The following TOR1B variants were observed in gnomAD, a reference collection of about 807,000 sequenced individuals.
TOR1B encodes torsin-1B.
In TOR1B, 14 loss-of-function variants were observed where a neutral mutation model predicts 29.2. The observed-to-expected ratio is 0.48, with a 90% confidence interval of 0.32 to 0.75. TOR1B has a LOEUF of 0.75. Among genes scored for constraint, TOR1B ranks in the 30% least tolerant of loss-of-function variants. TOR1B has a pLI of 0.04. For synonymous variants in TOR1B, 166 were observed against 179.8 expected, an observed-to-expected ratio of 0.92 and a Z score of 0.62; for missense variants, 400 against 433.9, an observed-to-expected ratio of 0.92 and a Z score of 0.69.
chr9:129,808,543 C>CTTTTTTTT (rs763409733), intron 3 of TOR1B, among the ~76,000 whole-genome samples: 1 of 77,804 alleles, frequency 1.3e-5, no homozygotes, highest in Non-Finnish European at 2.5e-5. Context: ...ACACAGAAGT[C>CTTTTTTTT]TTTTTTTTTT....
rs2030750937 is a variant in TOR1B at position 129,809,990 on chromosome 9, C to G, written c.*407C>G. ...CTGGAGATGAACTTTTAAAAATCCC[C>G]TTCACACTTAATGTACTGACCGAGA... On this transcript the variant is annotated 3_prime_UTR_variant, in exon 5 of 5. Coordinates refer to ENST00000259339, the MANE Select transcript of TOR1B (RefSeq NM_014506.3). 8.5e-7 allele frequency: 1 copy of G among 1,181,236 alleles called. No homozygotes were observed. The highest frequency in any genetic ancestry group is 3.7e-5 in the Admixed American group (1 of 26,928). The allele number at this position is 1,181,236 out of a possible 1,614,324, so 73.2% of individuals were successfully genotyped here. A position where few individuals can be genotyped will look rare whatever the true frequency, so the allele number is the denominator to read the frequency against.
intron 1 of TOR1B, 141 bp from the exon 2 acceptor site, chr9:129,803,932 C>A: frequency 2.8e-6 from 3 of 1,054,678 alleles, no homozygotes; most frequent in South Asian, 3.2e-5. Context: ...CGTTTGACTG[C>A]CTCGGCCCTA....
intron 2 of TOR1B, 52 bp from the exon 3 acceptor site, chr9:129,807,136 T>C: frequency 6.3e-7 from 1 of 1,590,510 alleles, no homozygotes; most frequent in Non-Finnish European, 8.6e-7. Context: ...GCGCGCCTCT[T>C]GGTGCACCCT....
At chr9:129,807,665 G>C (rs2030576146) in intron 3 of TOR1B, among the ~76,000 whole-genome samples, 1 of 151,992 alleles carries the variant, frequency 6.6e-6, no homozygotes, top group African/African-American at 2.4e-5. Context: ...GGCTAACATG[G>C]TGAAACCCTG....
In TOR1B at chr9:129,807,207, T is replaced by G; in HGVS notation, c.485T>G (p.Ile162Ser). 1 of 1,614,068 alleles carries G rather than the reference T, an allele frequency of 6.2e-7. No individual in the cohort carries two copies. Among genetic ancestry groups the G allele is most frequent in the Non-Finnish European group, 8.5e-7 (1 of 1,180,016 alleles). The stretch of plus-strand genomic sequence containing the variant: ...GTCCAGGACCAGTTACAGAAGTGGA[T>G]CCGCGGTAATGTGAGTGCATGTGCG... The part of the protein sequence containing the change: ...KLYQDQLQKW[I>S]RGNVSACANS... The change falls in exon 3 of 5, where the codon ATC becomes AGC. Residue 162 changes from isoleucine (I) to serine (S), a missense_variant. Coordinates refer to ENST00000259339, the MANE Select transcript of TOR1B (RefSeq NM_014506.3).
In TOR1B at chr9:129,803,193, T is replaced by C; in HGVS notation, c.-20T>C. On this transcript the variant is annotated 5_prime_UTR_variant, in exon 1 of 5. Transcript: ENST00000259339. ...GCGGGGCGCCTGGCTCAGTGGCTTC[T>C]GCGGGCTTCGAGGAGCGGGATGTTG... The C allele has an allele frequency of 6.9e-7, 1 of 1,444,228 alleles. No individual in the cohort carries two copies. Among genetic ancestry groups the C allele is most frequent in the Non-Finnish European group, 9.1e-7 (1 of 1,103,878 alleles). The allele number at this position is 1,444,228 out of a possible 1,614,324, so 89.5% of individuals were successfully genotyped here.
Position 129,809,730 on chromosome 9 carries a change from T to G in TOR1B, c.*147T>G. 3 of 1,442,346 alleles carry G rather than the reference T, an allele frequency of 2.1e-6. No individual in the cohort carries two copies. Among genetic ancestry groups the G allele is most frequent in the Non-Finnish European group, 1.8e-6 (2 of 1,104,722 alleles). 89.3% of individuals were successfully genotyped at this position (1,442,346 alleles called of 1,614,324 possible). ...ATAGAATCTTTTTTTTGAGAAGAGG[T>G]CTCACTCCGTCATCCAAGCTGGAGT... is the stretch of plus-strand genomic sequence containing the variant. On this transcript the variant is annotated 3_prime_UTR_variant, in exon 5 of 5. Coordinates refer to ENST00000259339, the MANE Select transcript of TOR1B (RefSeq NM_014506.3).
At chr9:129,803,532 G>T in intron 1 of TOR1B, 121 bp downstream of exon 1, 2 of 1,135,208 alleles carry the variant, frequency 1.8e-6, no homozygotes, top group Non-Finnish European at 2.2e-6. Flanking sequence ...GACGGCGGTG[G>T]TCCCAGCTGG....
At chr9:129,804,445 C>T in intron 2 of TOR1B, 107 bp downstream of exon 2, 2 of 1,416,018 alleles carry the variant, frequency 1.4e-6, no homozygotes, top group Non-Finnish European at 1.9e-6. Context: ...TGCTGTAGCC[C>T]CCGGCTCCAC....
intron 2 of TOR1B, among the ~76,000 whole-genome samples, chr9:129,805,501 C>T (rs1353211177): frequency 6.6e-6 from 1 of 152,132 alleles, no homozygotes; most frequent in Non-Finnish European, 1.5e-5. Context: ...TGTAGCAGAA[C>T]AGGACCTTTG....
chr9:129,806,370 G>T (rs2030484876), intron 2 of TOR1B, among the ~76,000 whole-genome samples: 1 of 152,200 alleles, frequency 6.6e-6, no homozygotes, highest in South Asian at 2.1e-4. Flanking sequence ...CTTTGGGGTT[G>T]AGGGCTTGTT....
In TOR1B at chr9:129,804,359, C is replaced by A; in HGVS notation, c.465+21C>A. On this transcript the variant is annotated intron_variant, in intron 2 of 4. Transcript: ENST00000259339. The stretch of plus-strand genomic sequence containing the variant: ...ACCAGGCAAGAGAACCCGCTATTAT[C>A]TCGTCTGCAGGCCAGTCGGACTGGT... 9 of 1,605,646 alleles carry A rather than the reference C, an allele frequency of 5.6e-6. No homozygotes were observed. In the South Asian group the frequency reaches 9.9e-5, roughly 18 times the overall value.
chr9:129,803,246 G>T lies in TOR1B; in HGVS notation c.34G>T (p.Ala12Ser), dbSNP rs1465089222. The stretch of plus-strand genomic sequence containing the variant: ...GGCTGGGTGGCTCCGGGGCGCGGCG[G>T]CGCTGGCGCTGCTGCTGGCGGCCCG... ...LRAGWLRGAA[A>S]LALLLAARVV... is the part of the protein sequence containing the mutation. The change falls in exon 1 of 5, where the codon GCG (alanine) becomes TCG (serine). Residue 12 changes from alanine to serine, a missense_variant. Transcript: ENST00000259339. 1.3e-6 allele frequency: 2 copies of T among 1,547,884 alleles called. No individual in the cohort carries two copies. The highest frequency in any genetic ancestry group is 1.7e-6 in the Non-Finnish European group (2 of 1,154,074).
chr9:129,803,984 C>G, intron 1 of TOR1B, 89 bp from the exon 2 acceptor site: 1 of 1,548,236 alleles, frequency 6.5e-7, no homozygotes, highest in Non-Finnish European at 8.8e-7. Context: ...ATAATCTGTG[C>G]TTCTTGCTTT....
intron 2 of TOR1B, among the ~76,000 whole-genome samples, chr9:129,805,134 T>A: frequency 7.7e-6 from 1 of 129,774 alleles, no homozygotes. Flanking sequence ...TGAGACTCTG[T>A]CTCAGAAAAA....
In TOR1B at chr9:129,809,856, T is replaced by C; in HGVS notation, c.*273T>C. 7.5e-7 allele frequency: 1 copy of C among 1,325,718 alleles called. No homozygotes were observed. The highest frequency in any genetic ancestry group is 9.7e-7 in the Non-Finnish European group (1 of 1,031,548). The allele number at this position is 1,325,718 out of a possible 1,614,324, so 82.1% of individuals were successfully genotyped here. A position where few individuals can be genotyped will look rare whatever the true frequency, so the allele number is the denominator to read the frequency against. On this transcript the variant is annotated 3_prime_UTR_variant, in exon 5 of 5. Transcript: ENST00000259339. ...AGCTGGGATTACAGGCATGAGCCAC[T>C]GTGCCCAGCTGGGATATAGAATCTA...
intron 2 of TOR1B, among the ~76,000 whole-genome samples, chr9:129,805,826 C>A (rs1282434814): frequency 3.9e-5 from 6 of 152,188 alleles, no homozygotes; most frequent in Non-Finnish European, 1.5e-5. Flanking sequence ...GAGACTGTTT[C>A]TCCTTTTGAG....
At position 129,804,494 on chromosome 9, in the gene TOR1B, C is replaced by G. The variant is rs553696069; in HGVS notation, c.465+156C>G. 80 of 905,406 alleles carry G rather than the reference C, an allele frequency of 8.8e-5. No homozygotes were observed. In the African/African-American group the frequency reaches 1.3e-3, roughly 15 times the overall value. 56.1% of individuals were successfully genotyped at this position (905,406 alleles called of 1,614,324 possible). On this transcript the variant is annotated intron_variant, in intron 2 of 4. Coordinates refer to ENST00000259339, the MANE Select transcript of TOR1B (RefSeq NM_014506.3). ...ACTTAGTCCAGGTAGTTACAAAGCTCTCCTACAACATTTCTCTTACTTGGT... is the reference window on the plus strand; with the variant it reads ...ACTTAGTCCAGGTAGTTACAAAGCTGTCCTACAACATTTCTCTTACTTGGT...
At chr9:129,805,139 GAA>G (rs34869382) in intron 2 of TOR1B, among the ~76,000 whole-genome samples, 38 of 105,448 alleles carry the variant, frequency 3.6e-4, no homozygotes, top group Middle Eastern at 6.7e-3. Context: ...CTCTGTCTCA[GAA>G]AAAAAAAAAA....
Sources: allele counts gnomAD v4.1 joint callset (sites outside exome capture counted in the v4.1 genomes callset), GRCh38; gene constraint gnomAD v4.1.1; transcripts MANE v1.5; gene names NCBI Gene and HGNC (gene_info 2026-07-23, HGNC 2026-07-21).